The following DENND1B variants were observed in gnomAD, a reference collection of about 807,000 sequenced individuals.
DENND1B encodes DENN domain containing 1B.
DENND1B carries 59 observed loss-of-function variants against 90.1 expected under a neutral mutation model. The observed-to-expected ratio is 0.65, with a 90% CI of 0.53 to 0.81. The LOEUF is 0.81. Among genes scored for constraint, DENND1B ranks in the 40% least tolerant of loss-of-function variants. The pLI, the probability that DENND1B is intolerant of heterozygous loss-of-function variation, is 0.00. For synonymous variants in DENND1B, 337 were observed against 324.6 expected, an observed-to-expected ratio of 1.04 and a Z score of -0.41; for missense variants, 862 against 912.6, an observed-to-expected ratio of 0.94 and a Z score of 0.71.
intron 20 of DENND1B, among the ~76,000 whole-genome samples, chr1:197,520,793 A>G (rs1275240283): frequency 6.6e-6 from 1 of 151,940 alleles, no homozygotes; most frequent in African/African-American, 2.4e-5. Flanking sequence ...ATGTCACACA[A>G]CCTCAATTAG....
rs575320248 is a variant in DENND1B, at chr1:197,644,065, T to C, written c.562-1244A>G. ...TGGTAATCATGATAGAGCACATCAA[T>C]AGAACCTGTAACTATCAGTGGGTGA... On this transcript the variant is annotated intron_variant, in intron 9 of 22. Coordinates refer to ENST00000620048, the MANE Select transcript of DENND1B (RefSeq NM_001195215.2). 3.9e-5 allele frequency among the ~76,000 whole-genome samples: 6 copies of C among 152,330 alleles called. No individual in the cohort carries two copies. The East Asian group carries it at 7.7e-4, about 20-fold the overall frequency.
At chr1:197,629,600 C>T (rs562958507) in intron 10 of DENND1B, among the ~76,000 whole-genome samples, 7 of 151,686 alleles carry the variant, frequency 4.6e-5, no homozygotes, top group African/African-American at 1.7e-4. Flanking sequence ...ATGGGTGCAG[C>T]CCACCAGCAT....
chr1:197,775,150 G>A lies in DENND1B; in HGVS notation c.6C>T (p.Asp2=). The A allele has an allele frequency of 7.7e-7, 1 of 1,305,504 alleles. No individual in the cohort carries two copies. Among genetic ancestry groups the A allele is most frequent in the Non-Finnish European group, 9.8e-7 (1 of 1,018,656 alleles). The allele number at this position is 1,305,504 out of a possible 1,614,324, so 80.9% of individuals were successfully genotyped here. A position where few individuals can be genotyped will look rare whatever the true frequency, so the allele number is the denominator to read the frequency against. ...GCCCCCCCACTCACTTGGTCCTGCA[G>A]TCCATGGTTACATGTCGGTGTGGGG... M[D]CRTKANPDRT... Residue 2 remains aspartate (D), a synonymous_variant, in exon 1 of 23, where the codon GAC becomes GAT. Transcript: ENST00000620048.
At chr1:197,550,950 C>T (rs1189384578) in intron 16 of DENND1B, among the ~76,000 whole-genome samples, 1 of 151,796 alleles carries the variant, frequency 6.6e-6, no homozygotes, top group Non-Finnish European at 1.5e-5. Context: ...ATGAGATAAA[C>T]AACAAAGTTA....
At chr1:197,676,203 A>G (rs1656057671) in intron 3 of DENND1B, among the ~76,000 whole-genome samples, 1 of 151,898 alleles carries the variant, frequency 6.6e-6, no homozygotes, top group South Asian at 2.1e-4. Context: ...AGTCCTACCT[A>G]GCTCCCAGGG....
At chr1:197,714,322 TATTATTTACC>T (rs1205041436) in intron 3 of DENND1B, among the ~76,000 whole-genome samples, 1 of 152,114 alleles carries the variant, frequency 6.6e-6, no homozygotes, top group East Asian at 1.9e-4. Context: ...CTTAAATCTG[TATTATTTACC>T]ATATATTACA....
intron 3 of DENND1B, among the ~76,000 whole-genome samples, chr1:197,683,283 C>G (rs1013144732): frequency 6.6e-6 from 1 of 152,020 alleles, no homozygotes; most frequent in African/African-American, 2.4e-5. Flanking sequence ...AATCATATGG[C>G]TACCCTAAGA....
At chr1:197,749,471 GCAAGC>G (rs1360342815) in intron 2 of DENND1B, among the ~76,000 whole-genome samples, 1 of 152,004 alleles carries the variant, frequency 6.6e-6, no homozygotes, top group East Asian at 1.9e-4. Context: ...CAAAAACTAT[GCAAGC>G]CAGAAGACAA....
chr1:197,516,495 G>T (rs1307926960), intron 20 of DENND1B, among the ~76,000 whole-genome samples: 3 of 151,782 alleles, frequency 2.0e-5, no homozygotes, highest in Non-Finnish European at 4.4e-5. Flanking sequence ...TAGCAGTAGA[G>T]ATAATCTGGG....
chr1:197,625,544 C>G (rs1278368580), intron 10 of DENND1B, among the ~76,000 whole-genome samples: 1 of 152,114 alleles, frequency 6.6e-6, no homozygotes, highest in Non-Finnish European at 1.5e-5. Flanking sequence ...CAACCGGTAC[C>G]AGCCACTGCA....
intron 6 of DENND1B, among the ~76,000 whole-genome samples, chr1:197,657,008 A>C (rs893363150): frequency 9.2e-5 from 14 of 152,138 alleles, no homozygotes; most frequent in African/African-American, 3.4e-4. Flanking sequence ...GATTTGGAAA[A>C]GATTTCTTGG....
chr1:197,772,058 T>C (rs1656683706), intron 2 of DENND1B, among the ~76,000 whole-genome samples: 1 of 152,172 alleles, frequency 6.6e-6, no homozygotes, highest in Non-Finnish European at 1.5e-5. Context: ...CACTATCGTT[T>C]ACCTCCCTGC....
chr1:197,637,070 C>T (rs899993248), intron 10 of DENND1B, among the ~76,000 whole-genome samples: 2 of 151,796 alleles, frequency 1.3e-5, no homozygotes, highest in African/African-American at 4.8e-5. Context: ...ATAGAAGGTA[C>T]ATTTTAAAAT....
chr1:197,650,254 T>G (rs146566571), intron 7 of DENND1B, among the ~76,000 whole-genome samples: 1 of 152,186 alleles, frequency 6.6e-6, no homozygotes, highest in Admixed American at 6.5e-5. Flanking sequence ...AAAACATAAT[T>G]ATTCAATGTT....
intron 20 of DENND1B, among the ~76,000 whole-genome samples, chr1:197,519,381 C>T (rs1315537819): frequency 1.3e-5 from 2 of 151,828 alleles, no homozygotes; most frequent in Non-Finnish European, 2.9e-5. Context: ...TATACTAGTT[C>T]ACTGACATAA....
intron 15 of DENND1B, among the ~76,000 whole-genome samples, chr1:197,569,124 A>G (rs1194818905): frequency 3.9e-5 from 6 of 152,010 alleles, no homozygotes; most frequent in Non-Finnish European, 7.4e-5. Flanking sequence ...AAATATTTGG[A>G]AAAAAAACAT....
At chr1:197,512,803 C>G in intron 21 of DENND1B, 68 bp downstream of exon 21, 1 of 1,447,822 alleles carries the variant, frequency 6.9e-7, no homozygotes, top group Non-Finnish European at 9.6e-7. Context: ...TTTGAAATAC[C>G]CTTTATCACC....
intron 20 of DENND1B, among the ~76,000 whole-genome samples, chr1:197,522,640 A>C (rs996386316): frequency 2.0e-5 from 3 of 152,130 alleles, no homozygotes; most frequent in South Asian, 2.1e-4. Context: ...ACTTCAACTT[A>C]GAAGGTAAAA....
At chr1:197,560,793 T>C (rs1672097517) in intron 15 of DENND1B, among the ~76,000 whole-genome samples, 1 of 151,924 alleles carries the variant, frequency 6.6e-6, no homozygotes, top group African/African-American at 2.4e-5. Flanking sequence ...ACTCTCCCCA[T>C]CCATTTCACA....
Sources: allele counts gnomAD v4.1 joint callset (sites outside exome capture counted in the v4.1 genomes callset), GRCh38; gene constraint gnomAD v4.1.1; transcripts MANE v1.5; gene names NCBI Gene and HGNC (gene_info 2026-07-23, HGNC 2026-07-21).